HS1BP3: variants seen among roughly 807,000 people sequenced by gnomAD.
HS1BP3 encodes HCLS1-binding protein 3.
A neutral mutation model predicts 33.5 loss-of-function variants in HS1BP3; 32 were observed. That is an observed-to-expected ratio of 0.95 (90% CI 0.72 to 1.28). The LOEUF (loss-of-function observed/expected upper bound fraction) is 1.28. Among genes scored for constraint, HS1BP3 ranks in the 50% most tolerant of loss-of-function variants. HS1BP3 has a pLI of 0.00. For synonymous variants in HS1BP3, 187 were observed against 209.2 expected (o/e 0.89, Z 0.92); for missense variants, 486 against 502.3 (o/e 0.97, Z 0.31).
intron 5 of HS1BP3, among the ~76,000 whole-genome samples, chr2:20,560,937 C>T (rs113040536): frequency 0.026 from 3,948 of 152,124 alleles, 184 homozygotes; most frequent in African/African-American, 0.09. Context: ...AAAGCAGGGT[C>T]TGAGAATGAC....
At chr2:20,578,480 C>A (rs559178599) in intron 5 of HS1BP3, among the ~76,000 whole-genome samples, 1 of 152,206 alleles carries the variant, frequency 6.6e-6, no homozygotes, top group South Asian at 2.1e-4. Context: ...CTTGGACAAC[C>A]GGGGCAGTTC....
At chr2:20,591,122 G>GT (rs1693802444), downstream of HS1BP3, 3 of 167,284 alleles carry the variant, frequency 1.8e-5, no homozygotes, top group African/African-American at 7.2e-5. Flanking sequence ...AGCCAGCCAG[G>GT]CCCTGATAGC....
chr2:20,588,848 G>A (rs1558324500), downstream of HS1BP3, among the ~76,000 whole-genome samples: 1 of 152,216 alleles, frequency 6.6e-6, no homozygotes, highest in Non-Finnish European at 1.5e-5. Flanking sequence ...CCTCACAGAG[G>A]CCTGTCCCCA....
intron 3 of HS1BP3, among the ~76,000 whole-genome samples, chr2:20,594,462 A>T (rs764757294): frequency 6.6e-6 from 1 of 152,206 alleles, no homozygotes; most frequent in South Asian, 2.1e-4. Context: ...CAATGACCCA[A>T]TGGAGAGATG....
intron 5 of HS1BP3, among the ~76,000 whole-genome samples, chr2:20,573,254 T>C (rs1693317978): frequency 6.6e-6 from 1 of 152,122 alleles, no homozygotes; most frequent in Admixed American, 6.5e-5. Flanking sequence ...GGGCAAAGCA[T>C]TCTCCCCGAG....
chr2:20,596,393 G>C (rs533226547), intron 3 of HS1BP3, among the ~76,000 whole-genome samples: 1 of 152,314 alleles, frequency 6.6e-6, no homozygotes, highest in South Asian at 2.1e-4. Context: ...TTAGAGCAGG[G>C]ATTAGGTCAT....
Position 20,618,741 on chromosome 2 carries a change from C to A in HS1BP3, c.*246G>T, listed in dbSNP as rs561681800. 10 of 1,304,306 alleles carry A rather than the reference C, an allele frequency of 7.7e-6. No individual in the cohort carries two copies. In the East Asian group the frequency reaches 2.4e-4, roughly 31 times the overall value. The allele number at this position is 1,304,306 out of a possible 1,614,324, so 80.8% of individuals were successfully genotyped here. A position where few individuals can be genotyped will look rare whatever the true frequency, so the allele number is the denominator to read the frequency against. ...ACACCCTCCCTCCCCTTCATGTCCA[C>A]GGGGAATAAGACACATTGGGCTCTG... On this transcript the variant is annotated 3_prime_UTR_variant, in exon 7 of 7. Transcript: ENST00000304031.
chr2:20,606,314 C>T, intron 2 of HS1BP3: 1 of 463,958 alleles, frequency 2.2e-6, no homozygotes, highest in Non-Finnish European at 4.3e-6. Flanking sequence ...TGCATCTCCA[C>T]CCTTGGTATT....
At chr2:20,591,797 C>G (rs1057469842), downstream of HS1BP3, among the ~76,000 whole-genome samples, 12 of 152,298 alleles carry the variant, frequency 7.9e-5, no homozygotes, top group African/African-American at 2.9e-4. Context: ...TTCCTGGCCT[C>G]AAGCAATCTG....
At chr2:20,604,554 T>C (rs559496671) in intron 2 of HS1BP3, among the ~76,000 whole-genome samples, 2 of 152,352 alleles carry the variant, frequency 1.3e-5, no homozygotes, top group African/African-American at 4.8e-5. Flanking sequence ...AGCCAGGCTC[T>C]GCTCATGTTT....
the HS1BP3 span, among the ~76,000 whole-genome samples, chr2:20,554,509 G>C: frequency 6.6e-6 from 1 of 152,146 alleles, no homozygotes; most frequent in Non-Finnish European, 1.5e-5. Context: ...GATCACCTGA[G>C]GTCAGGAGTT....
chr2:20,584,798 C>T (rs1426004696), intron 5 of HS1BP3, among the ~76,000 whole-genome samples: 2 of 152,122 alleles, frequency 1.3e-5, no homozygotes, highest in African/African-American at 4.8e-5. Context: ...TGTCTGTTCA[C>T]TTTGGGTTTG....
At chr2:20,650,890 C>T (rs1032644561) in intron 1 of HS1BP3, 142 bp downstream of exon 1, 2 of 678,148 alleles carry the variant, frequency 2.9e-6, no homozygotes, top group Middle Eastern at 9.5e-4. Context: ...GGTGCAGGGG[C>T]CCAGCCCGGA....
rs192601411 is a variant in HS1BP3, at chr2:20,600,808, G to C, written c.179-2543C>G. Among the ~76,000 whole-genome samples the C allele has an allele frequency of 2.6e-5, 4 of 151,986 alleles. No homozygotes were observed. The East Asian group carries it at 7.7e-4, about 29-fold the overall frequency. On this transcript the variant is annotated intron_variant, in intron 2 of 3. Coordinates refer to the HS1BP3 transcript ENST00000415264. Reference sequence around the variant, plus strand: ...GTGTGTAATTCTTTTTCTTCCTTTGGTTTATCTGTATTTTTATAAAAAAAT... The same window carrying C: ...GTGTGTAATTCTTTTTCTTCCTTTGCTTTATCTGTATTTTTATAAAAAAAT...
chr2:20,583,332 C>T (rs1043445420), intron 5 of HS1BP3, among the ~76,000 whole-genome samples: 2 of 151,432 alleles, frequency 1.3e-5, no homozygotes, highest in Non-Finnish European at 2.9e-5. Context: ...GGCTGGAGAG[C>T]CAGGCAGGAA....
chr2:20,598,486 T>TG (rs1343438677), intron 2 of HS1BP3, among the ~76,000 whole-genome samples: 1 of 151,200 alleles, frequency 6.6e-6, no homozygotes, highest in African/African-American at 2.4e-5. Context: ...ACTGGCCTGC[T>TG]GCTCACCTTC....
At chr2:20,563,249 C>T (rs1572285007) in intron 5 of HS1BP3, among the ~76,000 whole-genome samples, 1 of 152,226 alleles carries the variant, frequency 6.6e-6, no homozygotes, top group Non-Finnish European at 1.5e-5. Flanking sequence ...AGAGCCAGAT[C>T]TCTCTAAGAC....
chr2:20,643,381 C>T (rs975643561), intron 2 of HS1BP3, among the ~76,000 whole-genome samples: 6 of 152,184 alleles, frequency 3.9e-5, no homozygotes, highest in Non-Finnish European at 8.8e-5. Context: ...CAACATCAAG[C>T]TCAAATACTC....
intron 5 of HS1BP3, among the ~76,000 whole-genome samples, chr2:20,585,062 C>A (rs1315244335): frequency 1.3e-5 from 2 of 152,198 alleles, no homozygotes; most frequent in African/African-American, 4.8e-5. Flanking sequence ...ATCACCTCCT[C>A]CCACCAAGGA....
Sources: gnomAD v4.1 joint callset for allele counts (sites outside exome capture counted in the v4.1 genomes callset) on GRCh38, gnomAD v4.1.1 for gene constraint, MANE v1.5 for transcripts, NCBI Gene and HGNC (gene_info 2026-07-23, HGNC 2026-07-21) for gene names.